GH2: variants seen among roughly 807,000 people sequenced by gnomAD.
GH2 encodes the protein growth hormone 2.
Under a neutral mutation model 24.1 loss-of-function variants are expected in GH2, and 17 were observed. The observed-to-expected ratio is 0.71, with a 90% confidence interval of 0.48 to 1.06. The LOEUF is 1.06. Ranked by LOEUF, GH2 falls within the 50% of genes least tolerant of loss-of-function variation. The probability of loss-of-function intolerance (pLI) is 0.00; values close to 1 mark genes in which losing one functional copy is unlikely to be tolerated. For synonymous variants in GH2, 126 were observed against 118.7 expected (o/e 1.06, Z -0.40); for missense variants, 305 against 273.1 (o/e 1.12, Z -0.82).
rs200397121 is a variant in GH2 at position 63,881,552 on chromosome 17, T to C, written c.11-33A>G. 2.0e-3 allele frequency: 3,242 copies of C among 1,611,884 alleles called. 26 individuals are homozygous for C. The highest frequency in any genetic ancestry group is 2.5e-3 in the Non-Finnish European group (2,933 of 1,179,594). On this transcript the variant is annotated intron_variant, in intron 1 of 4. Transcript: ENST00000423893. ...GAAACCGGAGGGCAACAGAGGGAGC[T>C]GGAGAGCAAGAGGCCAGCGCTCTCC...
intron 2 of GH2, 58 bp downstream of exon 2, chr17:63,881,301 G>A (rs1905508222): frequency 1.9e-6 from 3 of 1,610,902 alleles, no homozygotes; most frequent in Middle Eastern, 3.3e-4. Flanking sequence ...ACTTCCCAGC[G>A]GGGGAAAGTC....
Position 63,880,496 on chromosome 17 carries a change from C to T in GH2, c.479G>A (p.Arg160Gln), listed in dbSNP as rs373486899. 12 of 1,613,760 alleles carry T rather than the reference C, an allele frequency of 7.4e-6. No individual in the cohort carries two copies. The highest frequency in any genetic ancestry group is 9.3e-6 in the Non-Finnish European group (11 of 1,179,766). ...GGACTGATTGAAGATCTGCCCAGTCCGGGGGCTGCCATCTTCCAGCCTCTG... is the reference window on the plus strand; with the variant it reads ...GGACTGATTGAAGATCTGCCCAGTCTGGGGGCTGCCATCTTCCAGCCTCTG... ...LMWRLEDGSPRTGQIFNQSYS... is the reference protein window; with the variant it reads ...LMWRLEDGSPQTGQIFNQSYS... The change falls in exon 5 of 5, where the codon CGG becomes CAG. Residue 160 changes from arginine to glutamine, a missense_variant. Physicochemically the swap from Arg to Gln is conservative, Grantham distance 43. Transcript: ENST00000423893.
chr17:63,880,429 C>T lies in GH2; in HGVS notation c.546G>A (p.Leu182=), dbSNP rs770147850. ...FDTKSHNDDA[L]LKNYGLLYCF... ...AGTAGAGCAGCCCGTAGTTCTTGAG[C>T]AGTGCGTCATCGTTGTGCGATTTTG... Residue 182 remains leucine, a synonymous_variant, in exon 5 of 5, where the codon CTG becomes CTA. Transcript: ENST00000423893. 9.3e-6 allele frequency: 15 copies of T among 1,613,664 alleles called. No homozygotes were observed. Among genetic ancestry groups the T allele is most frequent in the Admixed American group, 6.7e-5 (4 of 59,972 alleles).
chr17:63,880,806 T>C lies in GH2; in HGVS notation c.422A>G (p.Lys141Arg), dbSNP rs1905458690. 2 of 1,614,084 alleles carry C rather than the reference T, an allele frequency of 1.2e-6. No homozygotes were observed. ...CGTTTGGATGCCTTCCTCTAGGTCC[T>C]TCAGGTGGCGATAGACGTTGCTGTC... ...ASDSNVYRHL[K>R]DLEEGIQTLM... The change falls in exon 4 of 5, where the codon AAG becomes AGG. Residue 141 changes from lysine (K) to arginine (R), a missense_variant. Transcript: ENST00000423893.
rs752509489 is a variant in GH2, at chr17:63,880,223, C to T, written c.*98G>A. Reference sequence around the variant, plus strand: ...CACCTAGTCAAACAAAATGATGCAACTTAATTTTATTAGGACAAGGCTGGT... The same window carrying T: ...CACCTAGTCAAACAAAATGATGCAATTTAATTTTATTAGGACAAGGCTGGT... On this transcript the variant is annotated 3_prime_UTR_variant, in exon 5 of 5. Coordinates refer to ENST00000423893, the MANE Select transcript of GH2 (RefSeq NM_002059.5). The T allele has an allele frequency of 3.1e-6, 5 of 1,593,346 alleles. No individual in the cohort carries two copies. The highest frequency in any genetic ancestry group is 1.1e-5 in the South Asian group (1 of 89,936).
Position 63,881,030 on chromosome 17 carries a change from G to A in GH2, c.290C>T (p.Ser97Phe). The change falls in exon 3 of 5, where the codon TCT (serine) becomes TTT (phenylalanine). Residue 97 changes from serine to phenylalanine, a missense_variant and splice_region_variant. Ser to Phe is a radical substitution (Grantham distance 155). Coordinates refer to ENST00000423893, the MANE Select transcript of GH2 (RefSeq NM_002059.5). ...CCTGGGGAGAAGGCATCCACTCACA[G>A]ATTTCTGCTGCGTTTTCACCCTGTT... ...PSNRVKTQQK[S>F]NLELLRISLL... is the part of the protein sequence containing the mutation. The A allele has an allele frequency of 6.2e-7, 1 of 1,614,080 alleles. No individual in the cohort carries two copies. The highest frequency in any genetic ancestry group is 8.5e-7 in the Non-Finnish European group (1 of 1,179,950).
chr17:63,880,983 C>T lies in GH2; in HGVS notation c.291+46G>A, dbSNP rs745453891. Reference sequence around the variant, plus strand: ...TGGCTGTGCTGCCCGGGGGCTCTGACCACAGGTCTACCCCATCCCCACCTG... The same window carrying T: ...TGGCTGTGCTGCCCGGGGGCTCTGATCACAGGTCTACCCCATCCCCACCTG... On this transcript the variant is annotated intron_variant, in intron 3 of 4. Coordinates refer to ENST00000423893, the MANE Select transcript of GH2 (RefSeq NM_002059.5). The T allele has an allele frequency of 1.7e-5, 27 of 1,613,958 alleles. No individual in the cohort carries two copies. The Admixed American group carries it at 4.5e-4, about 27-fold the overall frequency.
rs749903730 is a variant in GH2 at position 63,881,104 on chromosome 17, C to A, written c.216G>T (p.Gln72His). ...AGAAGCAGAGGGAGGTCTGGGGGTT[C>A]TGCAGGAATGAATACTTCTGCTCCT... is the stretch of plus-strand genomic sequence containing the variant. ...ILKEQKYSFLQNPQTSLCFSE... is the reference protein window; with the variant it reads ...ILKEQKYSFLHNPQTSLCFSE... Residue 72 changes from glutamine to histidine, a missense_variant, in exon 3 of 5, where the codon CAG becomes CAT. Physicochemically the swap from Gln to His is conservative, Grantham distance 24. Coordinates refer to ENST00000423893, the MANE Select transcript of GH2 (RefSeq NM_002059.5). 1.9e-6 allele frequency: 3 copies of A among 1,613,958 alleles called. No homozygotes were observed. In the African/African-American group the frequency reaches 4.0e-5, roughly 22 times the overall value.
chr17:63,881,737 C>T, intron 1 of GH2, 55 bp downstream of exon 1: 5 of 1,612,084 alleles, frequency 3.1e-6, no homozygotes, highest in African/African-American at 1.3e-5. Flanking sequence ...ATCTACAGGA[C>T]GCCGCCTCTC....
At chr17:63,880,549 A>G in intron 4 of GH2, 31 bp from the exon 5 acceptor site, 1 of 1,613,812 alleles carries the variant, frequency 6.2e-7, no homozygotes, top group Non-Finnish European at 8.5e-7. Flanking sequence ...AGGAGAGGCC[A>G]AGCGCTTGGG....
chr17:63,880,868 C>G lies in GH2; in HGVS notation c.360G>C (p.Arg120Ser), dbSNP rs201550585. 7.8e-5 allele frequency: 126 copies of G among 1,614,064 alleles called. 2 individuals carry two copies. Among genetic ancestry groups the G allele is most frequent in the Non-Finnish European group, 1.0e-4 (118 of 1,179,964 alleles). ...ACACCAGGCTGTTGGCGAAGACGCT[C>G]CTGAGGAGCTGCACGGGCTCCAGCC... ...QSWLEPVQLLRSVFANSLVYG... is the reference protein window; with the variant it reads ...QSWLEPVQLLSSVFANSLVYG... Residue 120 changes from arginine to serine, a missense_variant, in exon 4 of 5, where the codon AGG (arginine) becomes AGC (serine). Transcript: ENST00000423893.
intron 3 of GH2, 27 bp from the exon 4 acceptor site, chr17:63,880,963 G>GTGC (rs1415353391): frequency 6.2e-7 from 1 of 1,614,000 alleles, no homozygotes; most frequent in Non-Finnish European, 8.5e-7. Context: ...GGCAGTGGCT[G>GTGC]TGCTGCCCGG....
At chr17:63,881,689 T>G in intron 1 of GH2, 103 bp downstream of exon 1, 3 of 1,610,418 alleles carry the variant, frequency 1.9e-6, no homozygotes, top group Non-Finnish European at 2.5e-6. Flanking sequence ...ATACTAACAT[T>G]CATAAGCCCC....
chr17:63,881,155 G>A lies in GH2; in HGVS notation c.172-7C>T, dbSNP rs941977750. 3 of 1,614,094 alleles carry A rather than the reference G, an allele frequency of 1.9e-6. No individual in the cohort carries two copies. The highest frequency in any genetic ancestry group is 8.5e-7 in the Non-Finnish European group (1 of 1,179,944). ...TCAGGATATAGGCTTCTTCCTAGGA[G>A]AAGGACCGCCCACCAAGGTCTATGC... is the stretch of plus-strand genomic sequence containing the variant. On this transcript the variant is annotated splice_region_variant and splice_polypyrimidine_tract_variant and intron_variant, in intron 2 of 4. Coordinates refer to ENST00000423893, the MANE Select transcript of GH2 (RefSeq NM_002059.5).
chr17:63,880,274 A>G lies in GH2; in HGVS notation c.*47T>C, dbSNP rs1390714701. On this transcript the variant is annotated 3_prime_UTR_variant, in exon 5 of 5. Coordinates refer to ENST00000423893, the MANE Select transcript of GH2 (RefSeq NM_002059.5). ...GGGCACTGGAGTAGCACCTTCCACG[A>G]CCAGGAGAGGCACTGGGGAGGGGTC... 5.0e-6 allele frequency: 8 copies of G among 1,613,542 alleles called. No homozygotes were observed. The highest frequency in any genetic ancestry group is 1.3e-5 in the African/African-American group (1 of 74,862).
rs545843975 is a variant in GH2, at chr17:63,881,784, G to A, written c.10+8C>T. On this transcript the variant is annotated splice_region_variant and intron_variant, in intron 1 of 4. Coordinates refer to ENST00000423893, the MANE Select transcript of GH2 (RefSeq NM_002059.5). ...CATTGTGCCCAAAGGGATTTTAGGG[G>A]CGCTTACCTGCAGCCATTGCCGCTA... is the stretch of plus-strand genomic sequence containing the variant. The A allele has an allele frequency of 3.1e-6, 5 of 1,613,058 alleles. No individual in the cohort carries two copies. In the South Asian group the frequency reaches 5.5e-5, roughly 18 times the overall value.
rs1905530334 is a variant in GH2 at position 63,881,516 on chromosome 17, G to A, written c.14C>T (p.Ser5Phe). MAAG[S>F]RTSLLLAFGL... Reference sequence around the variant, plus strand: ...AAAAGCCAGGAGCAGGGACGTCCGGGAGCCTGGGGAGAAACCGGAGGGCAA... The same window carrying A: ...AAAAGCCAGGAGCAGGGACGTCCGGAAGCCTGGGGAGAAACCGGAGGGCAA... Residue 5 changes from serine to phenylalanine, a missense_variant, in exon 2 of 5, where the codon TCC becomes TTC. Transcript: ENST00000423893. The A allele has an allele frequency of 6.2e-7, 1 of 1,613,884 alleles. No individual in the cohort carries two copies. Among genetic ancestry groups the A allele is most frequent in the Middle Eastern group, 1.7e-4 (1 of 6,048 alleles).
rs1905546475 is a variant in GH2 at position 63,881,675 on chromosome 17, G to A, written c.10+117C>T. 76 of 1,608,834 alleles carry A rather than the reference G, an allele frequency of 4.7e-5. 1 individual carries two copies. In the South Asian group the frequency reaches 8.4e-4, roughly 18 times the overall value. On this transcript the variant is annotated intron_variant, in intron 1 of 4. Transcript: ENST00000423893. Reference sequence around the variant, plus strand: ...GATTGGCCAAATACTGGGCTTAGATGGCGATACTAACATTCATAAGCCCCA... The same window carrying A: ...GATTGGCCAAATACTGGGCTTAGATAGCGATACTAACATTCATAAGCCCCA...
chr17:63,881,611 T>C, intron 1 of GH2, 92 bp from the exon 2 acceptor site: 1 of 1,602,294 alleles, frequency 6.2e-7, no homozygotes, highest in Non-Finnish European at 8.5e-7. Context: ...TTTTTCTCTC[T>C]CTCTCTCTGC....
Sources: allele counts gnomAD v4.1 joint callset, GRCh38; gene constraint gnomAD v4.1.1; transcripts MANE v1.5; gene names NCBI Gene and HGNC (gene_info 2026-07-23, HGNC 2026-07-21).